EDNRB: variants seen among roughly 807,000 people sequenced by gnomAD.
The protein encoded by EDNRB is endothelin receptor type B, also known as Hirschsprung disease 2.
EDNRB carries 18 observed loss-of-function variants against 46.4 expected under a neutral mutation model. The observed-to-expected ratio is 0.39, with a 90% CI of 0.27 to 0.57. The LOEUF is 0.57. Ranked by LOEUF, EDNRB falls within the 20% of genes least tolerant of loss-of-function variation. EDNRB has a pLI of 0.61. For missense variants in EDNRB, 434 were observed against 537.5 expected (o/e 0.81, Z 1.90); for synonymous variants, 213 against 204.9 (o/e 1.04, Z -0.34).
chr13:77,932,799 A>G (rs1353550672), intron 1 of EDNRB, among the ~76,000 whole-genome samples: 1 of 152,194 alleles, frequency 6.6e-6, no homozygotes, highest in Non-Finnish European at 1.5e-5. Flanking sequence ...TTTCAATCCC[A>G]TTTTAAACAG....
At chr13:77,973,653 A>G (rs1430388542) in intron 1 of EDNRB, among the ~76,000 whole-genome samples, 3 of 152,118 alleles carry the variant, frequency 2.0e-5, no homozygotes, top group Non-Finnish European at 4.4e-5. Context: ...TAATTCTTCT[A>G]TTAAAAGTAT....
At chr13:77,962,414 A>C (rs867398311) in intron 1 of EDNRB, among the ~76,000 whole-genome samples, 30 of 152,218 alleles carry the variant, frequency 2.0e-4, no homozygotes, top group African/African-American at 7.2e-4. Flanking sequence ...CCAGCAGCAC[A>C]TGAAAAACCT....
At position 77,898,402 on chromosome 13, in the gene EDNRB, A is replaced by G. The variant is rs369867080; in HGVS notation, c.1195-68T>C. On this transcript the variant is annotated intron_variant, in intron 6 of 6. Coordinates refer to ENST00000646607, the MANE Select transcript of EDNRB (RefSeq NM_001122659.3). ...CCTTTCCCAACTCTTCCTCCTCTCC[A>G]GGGTTCTGACTTTCTTTGTATGATT... The G allele has an allele frequency of 1.4e-3, 2,164 of 1,601,402 alleles. 52 individuals are homozygous for G. The South Asian group carries it at 0.023, about 17-fold the overall frequency.
intron 1 of EDNRB, among the ~76,000 whole-genome samples, chr13:77,914,197 T>G (rs756941459): frequency 2.6e-5 from 4 of 152,196 alleles, no homozygotes; most frequent in Non-Finnish European, 5.9e-5. Context: ...CCTTCAGATG[T>G]AGTCACACAT....
At chr13:77,955,164 C>T (rs1881200459) in intron 1 of EDNRB, among the ~76,000 whole-genome samples, 1 of 152,130 alleles carries the variant, frequency 6.6e-6, no homozygotes, top group African/African-American at 2.4e-5. Context: ...TGATAATAGT[C>T]ATTTTAACAG....
chr13:77,966,059 T>G (rs1205070118), intron 1 of EDNRB, among the ~76,000 whole-genome samples: 1 of 152,090 alleles, frequency 6.6e-6, no homozygotes, highest in Non-Finnish European at 1.5e-5. Context: ...ATTTTGATTT[T>G]TTTATTTTTT....
intron 1 of EDNRB, among the ~76,000 whole-genome samples, chr13:77,974,943 GCTT>G (rs1322691762): frequency 2.6e-5 from 4 of 152,056 alleles, no homozygotes; most frequent in Non-Finnish European, 4.4e-5. Context: ...CCTGACCCAT[GCTT>G]CTTTGAGGCA....
chr13:77,966,654 C>T lies in EDNRB; in HGVS notation c.-52+8693G>A, dbSNP rs148835060. ...TATCCCACGGATGTCCTTTTGGATG[C>T]TTTTTCACAGTCTCCTAAAAATAAA... On this transcript the variant is annotated intron_variant, in intron 1 of 7. Transcript: ENST00000646948. 1.8e-3 allele frequency among the ~76,000 whole-genome samples: 281 copies of T among 152,284 alleles called. 2 individuals carry two copies. Among genetic ancestry groups the T allele is most frequent in the African/African-American group, 6.5e-3 (272 of 41,568 alleles).
rs1003490858 is a variant in EDNRB at position 77,897,011 on chromosome 13, A to G, written c.*1189T>C. 2.3e-5 allele frequency: 23 copies of G among 991,036 alleles called. No homozygotes were observed. The highest frequency in any genetic ancestry group is 2.8e-5 in the Non-Finnish European group (23 of 833,910). 61.4% of individuals were successfully genotyped at this position (991,036 alleles called of 1,614,324 possible). A position where few individuals can be genotyped will look rare whatever the true frequency, so the allele number is the denominator to read the frequency against. ...AAAATTAGTAATAAGCTTTACAGGT[A>G]GCTGTTAAATGTACTAATCTGTATG... On this transcript the variant is annotated 3_prime_UTR_variant, in exon 7 of 7. Transcript: ENST00000646607.
At chr13:77,962,610 G>A (rs1386258901) in intron 1 of EDNRB, among the ~76,000 whole-genome samples, 3 of 152,148 alleles carry the variant, frequency 2.0e-5, no homozygotes, top group African/African-American at 7.2e-5. Flanking sequence ...AGGTATTGAT[G>A]GGACATATCT....
At chr13:77,959,010 T>A (rs74097034) in intron 1 of EDNRB, among the ~76,000 whole-genome samples, 6,220 of 152,242 alleles carry the variant, frequency 0.041, 418 homozygotes, top group African/African-American at 0.14. Flanking sequence ...ATTGTGGAGA[T>A]GACAAGGAGG....
In EDNRB at chr13:77,897,517, G is replaced by C. The variant is rs1594353355; in HGVS notation, c.*683C>G. On this transcript the variant is annotated 3_prime_UTR_variant, in exon 7 of 7. Coordinates refer to ENST00000646607, the MANE Select transcript of EDNRB (RefSeq NM_001122659.3). ...ATTCAGCTGGCACATGTGCCAGTCT[G>C]TTACATGCTGCTTGTTTGTGACATG... The C allele has an allele frequency of 4.1e-6, 4 of 980,810 alleles. No individual in the cohort carries two copies. Among genetic ancestry groups the C allele is most frequent in the African/African-American group, 1.7e-5 (1 of 57,242 alleles). 60.8% of individuals were successfully genotyped at this position (980,810 alleles called of 1,614,324 possible). A position where few individuals can be genotyped will look rare whatever the true frequency, so the allele number is the denominator to read the frequency against.
intron 1 of EDNRB, among the ~76,000 whole-genome samples, chr13:77,958,161 G>A (rs1267816893): frequency 1.3e-5 from 2 of 152,122 alleles, no homozygotes; most frequent in African/African-American, 4.8e-5. Context: ...TGTATAGGGA[G>A]TTCACATGTC....
chr13:77,896,634 CGAAAGTCACTCT>C lies in EDNRB; in HGVS notation c.*1554_*1565del, dbSNP rs1878642107. Reference sequence around the variant, plus strand: ...TAAAGCTCTTGGGCCCAATTTATTTCGAAAGTCACTCTGAGAACATTGCACTGTGTTTTGCTG... The same window carrying C: ...TAAAGCTCTTGGGCCCAATTTATTTCGAGAACATTGCACTGTGTTTTGCTG... On this transcript the variant is annotated 3_prime_UTR_variant, in exon 7 of 7. Transcript: ENST00000646607. 1 of 1,522,768 alleles carries C rather than the reference CGAAAGTCACTCT, an allele frequency of 6.6e-7. No homozygotes were observed. Among genetic ancestry groups the C allele is most frequent in the Admixed American group, 2.1e-5 (1 of 48,550 alleles). The allele number at this position is 1,522,768 out of a possible 1,614,324, so 94.3% of individuals were successfully genotyped here.
chr13:77,915,940 TATGAC>T (rs1467755779), intron 1 of EDNRB, among the ~76,000 whole-genome samples: 1 of 152,204 alleles, frequency 6.6e-6, no homozygotes, highest in Non-Finnish European at 1.5e-5. Flanking sequence ...AGGGAAACTG[TATGAC>T]CTCTTGGGGA....
At chr13:77,945,546 G>A (rs938954629) in intron 1 of EDNRB, among the ~76,000 whole-genome samples, 1 of 152,156 alleles carries the variant, frequency 6.6e-6, no homozygotes, top group Admixed American at 6.6e-5. Flanking sequence ...CAAATCCAGG[G>A]TCCTGGCCAA....
upstream of EDNRB, among the ~76,000 whole-genome samples, chr13:77,920,069 G>T (rs1211423883): frequency 6.6e-6 from 1 of 152,086 alleles, no homozygotes; most frequent in African/African-American, 2.4e-5. Flanking sequence ...TCACTGCCCC[G>T]AGAGAGGATT....
At chr13:77,919,493 GC>G (rs760532058), upstream of EDNRB, 2 of 1,612,694 alleles carry the variant, frequency 1.2e-6, no homozygotes, top group Admixed American at 3.3e-5. Flanking sequence ...TGGGAGAGGA[GC>G]ACGCCTCCCT....
rs1878661663 is a variant in EDNRB at position 77,896,951 on chromosome 13, A to C, written c.*1249T>G. 3 of 992,200 alleles carry C rather than the reference A, an allele frequency of 3.0e-6. No individual in the cohort carries two copies. The highest frequency in any genetic ancestry group is 3.6e-6 in the Non-Finnish European group (3 of 834,512). 61.5% of individuals were successfully genotyped at this position (992,200 alleles called of 1,614,324 possible). A position where few individuals can be genotyped will look rare whatever the true frequency, so the allele number is the denominator to read the frequency against. On this transcript the variant is annotated 3_prime_UTR_variant, in exon 7 of 7. Transcript: ENST00000646607. ...ATGAAAGAAAAGCACCATGTCAAGC[A>C]AACTTTTCTATTGGCTATTTACAAA... is the stretch of plus-strand genomic sequence containing the variant.
Sources: allele counts gnomAD v4.1 joint callset (sites outside exome capture counted in the v4.1 genomes callset), GRCh38; gene constraint gnomAD v4.1.1; transcripts MANE v1.5; gene names NCBI Gene and HGNC (gene_info 2026-07-23, HGNC 2026-07-21).